The following HDAC9 variants were observed in gnomAD, a reference collection of about 807,000 sequenced individuals.
HDAC9 encodes the protein MEF-2 interacting transcription repressor (MITR) protein.
HDAC9 carries 41 observed loss-of-function variants against 139.4 expected under a neutral mutation model. That is an observed-to-expected ratio of 0.29 (90% CI 0.23 to 0.38). The LOEUF (loss-of-function observed/expected upper bound fraction) is 0.38, where lower values mean the gene tolerates loss of function less well. Among genes scored for constraint, HDAC9 ranks in the 10% least tolerant of loss-of-function variants. The pLI, the probability that HDAC9 is intolerant of heterozygous loss-of-function variation, is 1.00. For missense variants in HDAC9, 1,147 were observed against 1,297.0 expected (o/e 0.88, Z 1.78); for synonymous variants, 517 against 476.2 (o/e 1.09, Z -1.12).
intron 1 of HDAC9, among the ~76,000 whole-genome samples, chr7:18,362,445 T>C (rs938298341): frequency 7.9e-5 from 12 of 152,160 alleles, no homozygotes; most frequent in African/African-American, 2.9e-4. Flanking sequence ...AATCATGATA[T>C]AGATTCTAAA....
Position 18,902,256 on chromosome 7 carries a change from A to G in HDAC9, c.2803+27660A>G, listed in dbSNP as rs142116164. Among the ~76,000 whole-genome samples the G allele has an allele frequency of 2.2e-4, 34 of 152,322 alleles. 1 individual carries two copies. The highest frequency in any genetic ancestry group is 7.9e-4 in the African/African-American group (33 of 41,574). The stretch of plus-strand genomic sequence containing the variant: ...ATTGGCTTTAAGAATTTGTTTAATC[A>G]AATCCTAGTGAAGGTTCTTCTCACT... On this transcript the variant is annotated intron_variant, in intron 22 of 25. Transcript: ENST00000686413.
chr7:18,719,932 G>C (rs1785017712), intron 12 of HDAC9, among the ~76,000 whole-genome samples: 1 of 152,114 alleles, frequency 6.6e-6, no homozygotes, highest in Non-Finnish European at 1.5e-5. Flanking sequence ...TGGCACCTTT[G>C]TTGAAAATCA....
chr7:18,153,754 A>G (rs895134729), intron 1 of HDAC9, among the ~76,000 whole-genome samples: 2 of 152,164 alleles, frequency 1.3e-5, no homozygotes, highest in African/African-American at 2.4e-5. Flanking sequence ...AGTAAACAGA[A>G]TCAGTGCCAA....
intron 1 of HDAC9, among the ~76,000 whole-genome samples, chr7:18,096,905 G>C (rs780780896): frequency 7.2e-5 from 11 of 151,862 alleles, no homozygotes; most frequent in Non-Finnish European, 7.4e-5. Context: ...GTGTGTGTGT[G>C]TGTGTGTGTG....
rs1017935426 is a variant in HDAC9, at chr7:18,707,330, G to T, written c.1732-20250G>T. The stretch of plus-strand genomic sequence containing the variant: ...ATTACAAGTGAAGGAAGTCTTAGAA[G>T]TGATGGAGGATAGATTGTCCTAAGC... On this transcript the variant is annotated intron_variant, in intron 12 of 25. Coordinates refer to ENST00000686413, the MANE Select transcript of HDAC9 (RefSeq NM_178425.4). Among the ~76,000 whole-genome samples, 5 of 152,222 alleles carry T rather than the reference G, an allele frequency of 3.3e-5. No homozygotes were observed. In the East Asian group the frequency reaches 9.6e-4, roughly 29 times the overall value.
chr7:18,915,681 A>T (rs533644287), intron 22 of HDAC9, among the ~76,000 whole-genome samples: 2 of 150,278 alleles, frequency 1.3e-5, no homozygotes, highest in South Asian at 4.2e-4. Flanking sequence ...CTTCAAAGCG[A>T]CCCCGCATGT....
At chr7:18,193,924 A>T (rs1371192740) in intron 2 of HDAC9, among the ~76,000 whole-genome samples, 1 of 152,116 alleles carries the variant, frequency 6.6e-6, no homozygotes, top group Admixed American at 6.6e-5. Context: ...AAAGCATATT[A>T]TTCTGTTTTT....
At chr7:18,174,312 G>T (rs1788703850) in intron 2 of HDAC9, among the ~76,000 whole-genome samples, 1 of 152,100 alleles carries the variant, frequency 6.6e-6, no homozygotes, top group African/African-American at 2.4e-5. Context: ...GTCATTTAAG[G>T]TCTTCTCTAC....
chr7:18,124,588 G>A (rs573735816), intron 1 of HDAC9, among the ~76,000 whole-genome samples: 21 of 152,302 alleles, frequency 1.4e-4, no homozygotes, highest in South Asian at 1.2e-3. Context: ...AGCTATGGGC[G>A]TTGGTGTAGG....
At chr7:18,652,528 G>T (rs1055212937) in intron 11 of HDAC9, among the ~76,000 whole-genome samples, 15 of 151,654 alleles carry the variant, frequency 9.9e-5, no homozygotes, top group Admixed American at 7.3e-4. Context: ...TTCACTATTT[G>T]AATGATATAT....
intron 1 of HDAC9, among the ~76,000 whole-genome samples, chr7:18,146,128 AGAATGCT>A (rs1172504728): frequency 1.8e-4 from 28 of 152,224 alleles, no homozygotes; most frequent in African/African-American, 6.8e-4. Flanking sequence ...AAGTAATTCC[AGAATGCT>A]GAATGCTGTC....
At chr7:18,722,921 A>G in intron 12 of HDAC9, among the ~76,000 whole-genome samples, 1 of 152,320 alleles carries the variant, frequency 6.6e-6, no homozygotes. Context: ...TGTTTAGTTT[A>G]AATAACATTT....
intron 14 of HDAC9, 108 bp from the exon 15 acceptor site, chr7:18,762,049 C>A: frequency 1.7e-6 from 2 of 1,168,006 alleles, no homozygotes; most frequent in South Asian, 2.7e-5. Flanking sequence ...CACATTCCTA[C>A]ATGATGAAAT....
intron 16 of HDAC9, among the ~76,000 whole-genome samples, chr7:18,786,145 A>G (rs1791694810): frequency 6.6e-6 from 1 of 152,130 alleles, no homozygotes; most frequent in African/African-American, 2.4e-5. Context: ...TGTTTCTGCT[A>G]TTCATGTTCC....
At chr7:18,596,306 T>C (rs903692115) in intron 6 of HDAC9, among the ~76,000 whole-genome samples, 2 of 152,116 alleles carry the variant, frequency 1.3e-5, no homozygotes, top group African/African-American at 4.8e-5. Context: ...AAAAATAAGA[T>C]GTAATTAAAT....
At chr7:18,971,978 TA>T (rs763609372) in intron 24 of HDAC9, among the ~76,000 whole-genome samples, 7 of 152,190 alleles carry the variant, frequency 4.6e-5, no homozygotes, top group Non-Finnish European at 8.8e-5. Context: ...GTTATGGAAG[TA>T]AAGATGTTTG....
chr7:18,943,329 T>C (rs1440863269), intron 23 of HDAC9, among the ~76,000 whole-genome samples: 1 of 152,134 alleles, frequency 6.6e-6, no homozygotes, highest in Admixed American at 6.5e-5. Flanking sequence ...TCTACAAACT[T>C]ACCTTAATGA....
At chr7:18,571,164 T>C (rs1173057452) in intron 2 of HDAC9, among the ~76,000 whole-genome samples, 1 of 152,246 alleles carries the variant, frequency 6.6e-6, no homozygotes, top group African/African-American at 2.4e-5. Context: ...TTAAAATGTT[T>C]TAACGTTCAA....
At chr7:18,300,003 G>A (rs1175696454) in intron 1 of HDAC9, among the ~76,000 whole-genome samples, 1 of 152,126 alleles carries the variant, frequency 6.6e-6, no homozygotes, top group Middle Eastern at 3.2e-3. Context: ...GAGACATTAA[G>A]TGACTTTCCC....
Sources: gnomAD v4.1 joint callset for allele counts (sites outside exome capture counted in the v4.1 genomes callset) on GRCh38, gnomAD v4.1.1 for gene constraint, MANE v1.5 for transcripts, NCBI Gene and HGNC (gene_info 2026-07-23, HGNC 2026-07-21) for gene names.